Variants in NR4A1 observed in about 807,000 individuals in gnomAD.
NR4A1 encodes nuclear receptor subfamily 4 group A member 1.
In NR4A1, 24 loss-of-function variants were observed where a neutral mutation model predicts 47.5. The observed-to-expected ratio is 0.50, with a 90% CI of 0.37 to 0.71. NR4A1 has a LOEUF of 0.71. NR4A1 is among the 30% of genes least tolerant of loss of function. The probability of loss-of-function intolerance (pLI) is 0.00; values close to 1 mark genes in which losing one functional copy is unlikely to be tolerated. For missense variants in NR4A1, 669 were observed against 788.6 expected (o/e 0.85, Z 1.82); for synonymous variants, 353 against 345.7 (o/e 1.02, Z -0.24).
chr12:52,040,914 G>C (rs1234603379), intron 1 of NR4A1, among the ~76,000 whole-genome samples: 2 of 152,178 alleles, frequency 1.3e-5, no homozygotes, highest in Non-Finnish European at 2.9e-5. Context: ...AGAGGAGAGA[G>C]CACTGGAGGG....
At chr12:52,030,744 A>G (rs1408511155) in intron 1 of NR4A1, among the ~76,000 whole-genome samples, 2 of 151,964 alleles carry the variant, frequency 1.3e-5, no homozygotes, top group East Asian at 3.9e-4. Flanking sequence ...AACCTTTTAG[A>G]GCCTCAGTTT....
chr12:52,029,430 T>G (rs1196621734), intron 1 of NR4A1, among the ~76,000 whole-genome samples: 1 of 152,214 alleles, frequency 6.6e-6, no homozygotes, highest in African/African-American at 2.4e-5. Context: ...GGCCCACACC[T>G]GTAATCCAAC....
intron 1 of NR4A1, among the ~76,000 whole-genome samples, chr12:52,026,084 G>A (rs1937993740): frequency 6.6e-6 from 1 of 152,234 alleles, no homozygotes; most frequent in African/African-American, 2.4e-5. Flanking sequence ...CTGAGCAGCT[G>A]ATGCTTCTGG....
chr12:52,037,275 G>A, intron 1 of NR4A1: 3 of 663,066 alleles, frequency 4.5e-6, no homozygotes, highest in Non-Finnish European at 5.6e-6. Flanking sequence ...CTGCAGGAGC[G>A]CGAGGAGGAG....
intron 1 of NR4A1, among the ~76,000 whole-genome samples, chr12:52,025,444 G>A (rs995697524): frequency 2.6e-5 from 4 of 152,064 alleles, no homozygotes; most frequent in African/African-American, 7.2e-5. Flanking sequence ...CCTTCCCACC[G>A]GTCCTGTGTT....
intron 1 of NR4A1, among the ~76,000 whole-genome samples, chr12:52,032,697 C>T (rs1938152517): frequency 6.6e-6 from 1 of 152,152 alleles, no homozygotes; most frequent in Non-Finnish European, 1.5e-5. Context: ...CTTTCGGTAC[C>T]TCTTTATTTC....
intron 2 of NR4A1, chr12:52,042,023 A>T: frequency 1.3e-5 from 14 of 1,049,550 alleles, no homozygotes; most frequent in South Asian, 4.0e-5. Flanking sequence ...GGATGTGGTT[A>T]GGGGGATGGA....
rs1371672850 is a variant in NR4A1, at chr12:52,054,527, T to G, written c.199T>G (p.Phe67Val). The change falls in exon 2 of 7, where the codon TTC (phenylalanine) becomes GTC (valine). Residue 67 changes from phenylalanine to valine, a missense_variant. Physicochemically the swap from Phe to Val is conservative, Grantham distance 50. Transcript: ENST00000394825. ...CGGCTACACAGGAGAGTTTGACACC[T>G]TCCTCTACCAGCTGCCAGGAACAGT... is the stretch of plus-strand genomic sequence containing the variant. ...MDGYTGEFDTFLYQLPGTVQP... is the reference protein window; with the variant it reads ...MDGYTGEFDTVLYQLPGTVQP... The G allele has an allele frequency of 3.1e-6, 5 of 1,613,832 alleles. No individual in the cohort carries two copies. The highest frequency in any genetic ancestry group is 1.7e-5 in the Admixed American group (1 of 60,000).
chr12:52,050,875 C>T (rs1938888367), upstream of NR4A1, among the ~76,000 whole-genome samples: 2 of 152,198 alleles, frequency 1.3e-5, no homozygotes, highest in Middle Eastern at 3.2e-3. Flanking sequence ...GACCGCCCAG[C>T]AGCGGCAGCA....
chr12:52,052,445 G>A (rs1939032882), intron 1 of NR4A1: 3 of 982,504 alleles, frequency 3.1e-6, no homozygotes, highest in Non-Finnish European at 3.6e-6. Context: ...AGCTCCAGAT[G>A]CTGATCATCC....
chr12:52,052,764 G>A (rs996730551), intron 1 of NR4A1: 5 of 617,074 alleles, frequency 8.1e-6, no homozygotes, highest in Non-Finnish European at 1.0e-5. Context: ...AGGAACAAGC[G>A]CCCAGTTCTG....
At chr12:52,049,503 A>G (rs1938813028), upstream of NR4A1, among the ~76,000 whole-genome samples, 1 of 152,148 alleles carries the variant, frequency 6.6e-6, no homozygotes, top group African/African-American at 2.4e-5. Context: ...GCAGTAGGAA[A>G]GCGGGAGAGG....
In NR4A1 at chr12:52,054,546, G is replaced by C; in HGVS notation, c.218G>C (p.Gly73Ala). 6.2e-7 allele frequency: 1 copy of C among 1,614,018 alleles called. No homozygotes were observed. Among genetic ancestry groups the C allele is most frequent in the African/African-American group, 1.3e-5 (1 of 75,024 alleles). ...GACACCTTCCTCTACCAGCTGCCAGGAACAGTCCAGCCATGCTCCTCAGCC... is the reference window on the plus strand; with the variant it reads ...GACACCTTCCTCTACCAGCTGCCAGCAACAGTCCAGCCATGCTCCTCAGCC... ...EFDTFLYQLP[G>A]TVQPCSSASS... Residue 73 changes from glycine to alanine, a missense_variant, in exon 2 of 7, where the codon GGA (glycine) becomes GCA (alanine). Physicochemically the swap from Gly to Ala is moderately conservative, Grantham distance 60. Coordinates refer to ENST00000394825, the MANE Select transcript of NR4A1 (RefSeq NM_173157.3).
At chr12:52,026,290 A>C (rs920830450) in intron 1 of NR4A1, among the ~76,000 whole-genome samples, 4 of 152,260 alleles carry the variant, frequency 2.6e-5, no homozygotes, top group Non-Finnish European at 5.9e-5. Flanking sequence ...GGAGAAGATA[A>C]GGTATTTAAA....
At chr12:52,038,477 G>C in intron 1 of NR4A1, 1 of 504,738 alleles carries the variant, frequency 2.0e-6, no homozygotes, top group South Asian at 2.3e-5. Context: ...GCTAGTATTA[G>C]GGGCACATTG....
chr12:52,052,874 A>T (rs1232699604), intron 1 of NR4A1, among the ~76,000 whole-genome samples: 1 of 152,314 alleles, frequency 6.6e-6, no homozygotes, highest in East Asian at 1.9e-4. Context: ...AGGGTGCTGC[A>T]TGCCTGTGGA....
upstream of NR4A1, among the ~76,000 whole-genome samples, chr12:52,050,758 T>C (rs998339342): frequency 3.9e-5 from 6 of 152,176 alleles, no homozygotes; most frequent in African/African-American, 1.4e-4. Context: ...CCTGAGACCC[T>C]GCTGGGGAAG....
chr12:52,023,664 C>A (rs1414971017), intron 1 of NR4A1, among the ~76,000 whole-genome samples: 1 of 152,014 alleles, frequency 6.6e-6, no homozygotes, highest in Non-Finnish European at 1.5e-5. Flanking sequence ...ACCTCCCCTG[C>A]GGCTCCTCCT....
At chr12:52,048,890 C>T (rs772051868), upstream of NR4A1, among the ~76,000 whole-genome samples, 45 of 151,934 alleles carry the variant, frequency 3.0e-4, 1 homozygote, top group African/African-American at 6.5e-4. Context: ...CAAAATCTTA[C>T]GGAAAAGCCT....
Sources: allele counts gnomAD v4.1 joint callset (sites outside exome capture counted in the v4.1 genomes callset), GRCh38; gene constraint gnomAD v4.1.1; transcripts MANE v1.5; gene names NCBI Gene and HGNC (gene_info 2026-07-23, HGNC 2026-07-21).